EEFSEC: variants seen among roughly 807,000 people sequenced by gnomAD.
The protein encoded by EEFSEC is selenocysteine-specific elongation factor.
In EEFSEC, 43 loss-of-function variants were observed where a neutral mutation model predicts 42.1. That is an observed-to-expected ratio of 1.02 (90% CI 0.80 to 1.32). EEFSEC has a LOEUF of 1.32. Ranked by LOEUF, EEFSEC falls within the 40% of genes most tolerant of loss-of-function variation. EEFSEC has a pLI of 0.00. For synonymous variants in EEFSEC, 354 were observed against 339.1 expected (o/e 1.04, Z -0.48); for missense variants, 745 against 803.6 (o/e 0.93, Z 0.88).
chr3:128,236,248 TA>T (rs1223470113), intron 1 of EEFSEC, among the ~76,000 whole-genome samples: 3 of 152,254 alleles, frequency 2.0e-5, no homozygotes, highest in African/African-American at 7.2e-5. Flanking sequence ...TTGTTGGGAT[TA>T]TAGGCGTGAG....
chr3:128,187,255 G>A (rs1272427406), intron 1 of EEFSEC, among the ~76,000 whole-genome samples: 1 of 152,178 alleles, frequency 6.6e-6, no homozygotes, highest in Admixed American at 6.5e-5. Flanking sequence ...AGATACCTGA[G>A]CCAAGATGTA....
chr3:128,259,349 T>A (rs1666395946), intron 2 of EEFSEC, among the ~76,000 whole-genome samples: 1 of 152,258 alleles, frequency 6.6e-6, no homozygotes, highest in East Asian at 1.9e-4. Context: ...TGGTTCAATA[T>A]TGTATGGCTT....
chr3:128,231,709 CAA>C lies in EEFSEC; in HGVS notation c.317-15124_317-15123del, dbSNP rs201545346. ...TGGACTCAGTGTCCATGTCATGTAA[CAA>C]AAGAGTCAGGGGTTCTCGGTGCCCT... On this transcript the variant is annotated intron_variant, in intron 1 of 6. Transcript: ENST00000254730. Among the ~76,000 whole-genome samples, 690 of 152,174 alleles carry C rather than the reference CAA, an allele frequency of 4.5e-3. 4 individuals are homozygous for C. Among genetic ancestry groups the C allele is most frequent in the African/African-American group, 0.015 (605 of 41,526 alleles).
At chr3:128,333,784 C>T (rs2067159787) in intron 4 of EEFSEC, among the ~76,000 whole-genome samples, 1 of 152,156 alleles carries the variant, frequency 6.6e-6, no homozygotes, top group East Asian at 1.9e-4. Context: ...TTTTCAGTAG[C>T]CTCAGAAAGT....
chr3:128,288,636 T>A (rs1053219849), intron 4 of EEFSEC, among the ~76,000 whole-genome samples: 5 of 152,240 alleles, frequency 3.3e-5, no homozygotes, highest in Non-Finnish European at 7.3e-5. Context: ...AAGCTGCCAG[T>A]ACATTGGTTG....
Position 128,276,760 on chromosome 3 carries a change from G to A in EEFSEC, c.786+11979G>A, listed in dbSNP as rs148455961. On this transcript the variant is annotated intron_variant, in intron 4 of 6. Coordinates refer to ENST00000254730, the MANE Select transcript of EEFSEC (RefSeq NM_021937.5). Reference sequence around the variant, plus strand: ...CACCTTATTTACCTTACAGTGAGGCGATTGAGAATGGGAGGGGTTCTGTAG... The same window carrying A: ...CACCTTATTTACCTTACAGTGAGGCAATTGAGAATGGGAGGGGTTCTGTAG... Among the ~76,000 whole-genome samples the A allele has an allele frequency of 2.0e-3, 306 of 152,224 alleles. 2 individuals carry two copies. Among genetic ancestry groups the A allele is most frequent in the Middle Eastern group, 3.4e-3 (1 of 294 alleles).
chr3:128,293,651 A>G (rs2066668324), intron 4 of EEFSEC, among the ~76,000 whole-genome samples: 1 of 99,386 alleles, frequency 1.0e-5, no homozygotes, highest in Non-Finnish European at 2.0e-5. Context: ...ACAAAGCAAG[A>G]CTCTATCTCA....
rs544475574 is a variant in EEFSEC, at chr3:128,297,215, G to A, written c.786+32434G>A. On this transcript the variant is annotated intron_variant, in intron 4 of 6. Transcript: ENST00000254730. ...ACAGGGAACACCAACTGAAGGCCCC[G>A]GTCCCCCAAGGGAGGACAGCTTGTG... Among the ~76,000 whole-genome samples the A allele has an allele frequency of 7.9e-5, 12 of 152,078 alleles. No homozygotes were observed. The South Asian group carries it at 1.9e-3, about 24-fold the overall frequency.
chr3:128,409,730 G>A (rs574418424), downstream of EEFSEC, among the ~76,000 whole-genome samples: 8 of 152,328 alleles, frequency 5.3e-5, no homozygotes, highest in South Asian at 1.0e-3. Flanking sequence ...CCTAGGAGCC[G>A]ACTCCCCCTC....
Position 128,283,706 on chromosome 3 carries a change from T to C in EEFSEC, c.786+18925T>C, listed in dbSNP as rs138514760. Among the ~76,000 whole-genome samples, 655 of 152,272 alleles carry C rather than the reference T, an allele frequency of 4.3e-3. 4 individuals carry two copies. The highest frequency in any genetic ancestry group is 0.011 in the South Asian group (51 of 4,822). The stretch of plus-strand genomic sequence containing the variant: ...TGCAAGCCCCAGCTCTGCTGGCTCA[T>C]AGAGCAGTCCACACCTTGGCAGAAC... On this transcript the variant is annotated intron_variant, in intron 4 of 6. Transcript: ENST00000254730.
At chr3:128,400,708 C>T (rs116142088) in intron 6 of EEFSEC, among the ~76,000 whole-genome samples, 2,241 of 152,378 alleles carry the variant, frequency 0.015, 52 homozygotes, top group African/African-American at 0.051. Flanking sequence ...CAGTCTGGCC[C>T]CCAACATGAA....
chr3:128,201,275 C>T (rs886536249), intron 1 of EEFSEC, among the ~76,000 whole-genome samples: 2 of 152,042 alleles, frequency 1.3e-5, no homozygotes, highest in Non-Finnish European at 2.9e-5. Context: ...AATTGCTCTA[C>T]ACTCACTTTC....
At chr3:128,234,865 A>T (rs1274378630) in intron 1 of EEFSEC, among the ~76,000 whole-genome samples, 1 of 152,184 alleles carries the variant, frequency 6.6e-6, no homozygotes, top group African/African-American at 2.4e-5. Flanking sequence ...GACTTTAAGG[A>T]GATCTCAGGT....
rs1007157070 is a variant in EEFSEC at position 128,180,960 on chromosome 3, C to T, written c.316+27137C>T. ...TGAAAGCTTTGATTTGACCATCTGC[C>T]TCATTTCAGGAGTTTGGAGACCTCG... On this transcript the variant is annotated intron_variant, in intron 1 of 6. Transcript: ENST00000254730. Among the ~76,000 whole-genome samples the T allele has an allele frequency of 2.6e-5, 4 of 152,316 alleles. No individual in the cohort carries two copies. In the East Asian group the frequency reaches 7.7e-4, roughly 29 times the overall value.
At chr3:128,212,599 A>G (rs1345581944) in intron 1 of EEFSEC, among the ~76,000 whole-genome samples, 1 of 152,206 alleles carries the variant, frequency 6.6e-6, no homozygotes, top group East Asian at 1.9e-4. Context: ...TCCTAAGAAC[A>G]TTTGTTAAAA....
chr3:128,407,056 T>A (rs1028122415), intron 6 of EEFSEC, among the ~76,000 whole-genome samples: 15 of 152,150 alleles, frequency 9.9e-5, no homozygotes, highest in Non-Finnish European at 1.5e-4. Flanking sequence ...CAGGCTTGTA[T>A]GTGCAATGAG....
At chr3:128,243,464 G>A (rs2066094894) in intron 1 of EEFSEC, among the ~76,000 whole-genome samples, 1 of 152,352 alleles carries the variant, frequency 6.6e-6, no homozygotes, top group Admixed American at 6.5e-5. Context: ...ATCGACTGTT[G>A]AAGAAGAGGA....
intron 4 of EEFSEC, among the ~76,000 whole-genome samples, chr3:128,283,242 G>T (rs2066547478): frequency 6.6e-6 from 1 of 151,824 alleles, no homozygotes; most frequent in African/African-American, 2.4e-5. Flanking sequence ...GAAAGCTTGA[G>T]GATACTGATT....
intron 6 of EEFSEC, chr3:128,367,903 A>T (rs1480268097): frequency 1.1e-6 from 1 of 949,976 alleles, no homozygotes; most frequent in African/African-American, 1.8e-5. Flanking sequence ...TCTGCTGAAA[A>T]GCTGCCTCCT....
Sources: gnomAD v4.1 joint callset for allele counts (sites outside exome capture counted in the v4.1 genomes callset) on GRCh38, gnomAD v4.1.1 for gene constraint, MANE v1.5 for transcripts, NCBI Gene and HGNC (gene_info 2026-07-23, HGNC 2026-07-21) for gene names.